The following RANBP2 variants were observed in gnomAD, a reference collection of about 807,000 sequenced individuals.
The protein encoded by RANBP2 is E3 SUMO-protein ligase RanBP2.
Under a neutral mutation model 303.6 loss-of-function variants are expected in RANBP2, and 57 were observed. That is an observed-to-expected ratio of 0.19 (90% CI 0.15 to 0.23). The LOEUF is 0.23. Among genes scored for constraint, RANBP2 ranks in the 10% least tolerant of loss-of-function variants. The pLI is 1.00. For missense variants in RANBP2, 3,138 were observed against 3,780.8 expected (o/e 0.83, Z 4.46); for synonymous variants, 1,167 against 1,301.5 (o/e 0.90, Z 2.23).
At chr2:109,103,344 T>C in the RANBP2 span, among the ~76,000 whole-genome samples, 1 of 152,240 alleles carries the variant, frequency 6.6e-6, no homozygotes. Flanking sequence ...GTGCCCAATG[T>C]ATACCTCATA....
the RANBP2 span, among the ~76,000 whole-genome samples, chr2:109,079,692 G>C: frequency 6.6e-6 from 1 of 152,224 alleles, no homozygotes; most frequent in Non-Finnish European, 1.5e-5. Flanking sequence ...AGATATGCAT[G>C]GTGGGGAGAC....
At chr2:109,251,336 A>G in the RANBP2 span, 1 of 511,278 alleles carries the variant, frequency 2.0e-6, no homozygotes, top group African/African-American at 1.9e-5. Context: ...AATTAGAGAG[A>G]TGCAAGACAC....
chr2:109,562,444 G>T, the RANBP2 span, among the ~76,000 whole-genome samples: 3 of 151,454 alleles, frequency 2.0e-5, no homozygotes, highest in African/African-American at 2.4e-5. Flanking sequence ...ACACAAGCAG[G>T]GTCTCTATTT....
At chr2:109,643,495 C>G in the RANBP2 span, among the ~76,000 whole-genome samples, 1 of 152,226 alleles carries the variant, frequency 6.6e-6, no homozygotes, top group Non-Finnish European at 1.5e-5. Flanking sequence ...CGCAGCGGCT[C>G]ACACCTGTAA....
At chr2:109,184,819 T>C in the RANBP2 span, among the ~76,000 whole-genome samples, 1 of 152,246 alleles carries the variant, frequency 6.6e-6, no homozygotes, top group Admixed American at 6.5e-5. Flanking sequence ...CCAAGCCCAA[T>C]GAGGCAGTTA....
intron 17 of RANBP2, 90 bp from the exon 18 acceptor site, chr2:108,758,323 T>C: frequency 6.4e-7 from 1 of 1,550,976 alleles, no homozygotes; most frequent in South Asian, 1.2e-5. Context: ...ATCAGTTATT[T>C]AAATTTAAAA....
chr2:109,586,248 G>C, the RANBP2 span, among the ~76,000 whole-genome samples: 1 of 152,186 alleles, frequency 6.6e-6, no homozygotes, highest in African/African-American at 2.4e-5. Context: ...TTCAGCTCCT[G>C]GTAATGGCAG....
the RANBP2 span, chr2:108,812,967 C>G: frequency 6.4e-7 from 1 of 1,573,124 alleles, no homozygotes; most frequent in African/African-American, 1.3e-5. Flanking sequence ...GAAAATTTCT[C>G]GGCTGGGTAC....
At chr2:108,911,084 G>A in the RANBP2 span, 1 of 1,613,946 alleles carries the variant, frequency 6.2e-7, no homozygotes, top group African/African-American at 1.3e-5. Flanking sequence ...TGTGGGTGGA[G>A]AGAAGGCATG....
chr2:109,143,807 T>TAC, the RANBP2 span, among the ~76,000 whole-genome samples: 22 of 88,374 alleles, frequency 2.5e-4, no homozygotes, highest in African/African-American at 4.5e-4. Flanking sequence ...TGCTGTGCTG[T>TAC]ATACACACAC....
chr2:108,754,351 C>G (rs2556283), intron 15 of RANBP2, among the ~76,000 whole-genome samples: 12,452 of 149,244 alleles, frequency 0.083, 1,855 homozygotes, highest in African/African-American at 0.3. Flanking sequence ...TCTTCTCATC[C>G]TCATCAGCCA....
the RANBP2 span, among the ~76,000 whole-genome samples, chr2:109,143,975 C>T: frequency 8.5e-5 from 13 of 152,184 alleles, no homozygotes; most frequent in Admixed American, 7.9e-4. Context: ...TGTGTGATCT[C>T]ATTCATATCC....
At chr2:109,022,576 A>G in the RANBP2 span, among the ~76,000 whole-genome samples, 1 of 152,306 alleles carries the variant, frequency 6.6e-6, no homozygotes, top group East Asian at 1.9e-4. Flanking sequence ...TGGAGAGTGG[A>G]ATAATAGACA....
At chr2:108,867,277 A>G in the RANBP2 span, among the ~76,000 whole-genome samples, 1 of 152,202 alleles carries the variant, frequency 6.6e-6, no homozygotes, top group Non-Finnish European at 1.5e-5. Context: ...TCCCCGCTGG[A>G]AGCTAGAACT....
At chr2:109,689,893 T>G in the RANBP2 span, among the ~76,000 whole-genome samples, 5 of 152,194 alleles carry the variant, frequency 3.3e-5, no homozygotes, top group Non-Finnish European at 5.9e-5. Context: ...ACTCCAAAAA[T>G]TAGTATCTGT....
At chr2:109,596,842 T>C in the RANBP2 span, among the ~76,000 whole-genome samples, 1 of 152,214 alleles carries the variant, frequency 6.6e-6, no homozygotes, top group Non-Finnish European at 1.5e-5. Flanking sequence ...TAAAGTAATA[T>C]GAATAATTAT....
the RANBP2 span, among the ~76,000 whole-genome samples, chr2:109,295,319 A>G: frequency 1.3e-5 from 2 of 152,206 alleles, no homozygotes; most frequent in African/African-American, 4.8e-5. Flanking sequence ...TGAGGAAACC[A>G]CAGGTCAGAG....
the RANBP2 span, among the ~76,000 whole-genome samples, chr2:109,316,896 T>C: frequency 0.3 from 46,347 of 152,108 alleles, 8,591 homozygotes; most frequent in African/African-American, 0.52. Flanking sequence ...GTTGGAAGTA[T>C]ACAGTGCGTA....
At chr2:109,211,598 A>G in the RANBP2 span, among the ~76,000 whole-genome samples, 5 of 151,942 alleles carry the variant, frequency 3.3e-5, no homozygotes, top group South Asian at 2.1e-4. Context: ...AGTGGGGAGC[A>G]TTAGACAGAC....
Sources: gnomAD v4.1 joint callset for allele counts (sites outside exome capture counted in the v4.1 genomes callset) on GRCh38, gnomAD v4.1.1 for gene constraint, MANE v1.5 for transcripts, NCBI Gene and HGNC (gene_info 2026-07-23, HGNC 2026-07-21) for gene names.